Variants in SAFB2 observed in about 807,000 individuals in gnomAD.
SAFB2 encodes the protein scaffold attachment factor B2.
In SAFB2, 32 loss-of-function variants were observed where a neutral mutation model predicts 100.6. The observed-to-expected ratio is 0.32, with a 90% CI of 0.24 to 0.43. SAFB2 has a LOEUF of 0.43. Among genes scored for constraint, SAFB2 ranks in the 20% least tolerant of loss-of-function variants. The pLI, the probability that SAFB2 is intolerant of heterozygous loss-of-function variation, is 1.00. For missense variants in SAFB2, 1,185 were observed against 1,163.4 expected (o/e 1.02, Z -0.27); for synonymous variants, 500 against 439.4 (o/e 1.14, Z -1.72).
rs949624375 is a variant in SAFB2, at chr19:5,598,510, C to T, written c.1782+283G>A. On this transcript the variant is annotated intron_variant, in intron 13 of 20. Transcript: ENST00000252542. ...CCGGCTCGAAAAGCCTGGGTCTGGC[C>T]CATCCCACCCTATGGTGAGCTGCCG... 16 of 446,312 alleles carry T rather than the reference C, an allele frequency of 3.6e-5. No individual in the cohort carries two copies. In the Admixed American group the frequency reaches 5.2e-4, roughly 14 times the overall value. The allele number at this position is 446,312 out of a possible 1,614,324, so 27.6% of individuals were successfully genotyped here.
Position 5,590,263 on chromosome 19 carries a change from G to C in SAFB2, c.2525+15C>G. The stretch of plus-strand genomic sequence containing the variant: ...GGACAGATGCTCCCCACCCGGCTGG[G>C]GCTCACCCACTAACCTGGGGGGAGG... On this transcript the variant is annotated intron_variant, in intron 18 of 20. Coordinates refer to ENST00000252542, the MANE Select transcript of SAFB2 (RefSeq NM_014649.3). 6.4e-7 allele frequency: 1 copy of C among 1,572,726 alleles called. No homozygotes were observed. Among genetic ancestry groups the C allele is most frequent in the Non-Finnish European group, 8.6e-7 (1 of 1,159,516 alleles).
chr19:5,610,126 C>T (rs780055102), intron 8 of SAFB2, 31 bp from the exon 9 acceptor site: 4 of 1,569,616 alleles, frequency 2.5e-6, no homozygotes, highest in African/African-American at 2.7e-5. Flanking sequence ...TTAGGCATCA[C>T]CCCAAGGCCT....
intron 18 of SAFB2, among the ~76,000 whole-genome samples, chr19:5,588,373 T>C (rs1346191565): frequency 6.6e-6 from 1 of 152,164 alleles, no homozygotes; most frequent in Non-Finnish European, 1.5e-5. Context: ...AGCGCAGAAT[T>C]ACCATGACCC....
intron 6 of SAFB2, 77 bp downstream of exon 6, chr19:5,612,463 G>A: frequency 7.5e-7 from 1 of 1,327,826 alleles, no homozygotes; most frequent in Non-Finnish European, 1.1e-6. Context: ...TCATAACACA[G>A]CTTAAAATAT....
At chr19:5,622,410 G>C (rs2053182440) in intron 1 of SAFB2, 120 bp downstream of exon 1, 1 of 1,047,202 alleles carries the variant, frequency 9.5e-7, no homozygotes, top group Non-Finnish European at 1.3e-6. Context: ...ACCTCGAACC[G>C]GGGTCGGCCA....
At chr19:5,589,924 G>A (rs1451631325) in intron 18 of SAFB2, among the ~76,000 whole-genome samples, 1 of 152,168 alleles carries the variant, frequency 6.6e-6, no homozygotes, top group African/African-American at 2.4e-5. Flanking sequence ...GTGGAGGCAG[G>A]GGCGAGGCTG....
At position 5,616,480 on chromosome 19, in the gene SAFB2, T is replaced by G. The variant is rs1443463692; in HGVS notation, c.281A>C (p.Lys94Thr). The change falls in exon 3 of 21, where the codon AAG becomes ACG. Residue 94 changes from lysine (K) to threonine (T), a missense_variant. Lys to Thr is a moderately conservative substitution (Grantham distance 78, BLOSUM62 -1). Coordinates refer to ENST00000252542, the MANE Select transcript of SAFB2 (RefSeq NM_014649.3). ...KSAKRCVKGL[K>T]MEEEGTEDNG... ...ATCTTCTGTGCCTTCCTCCTCCATC[T>G]TCAGTCCTAATTACAGAATAATTGT... The G allele has an allele frequency of 6.2e-7, 1 of 1,613,516 alleles. No homozygotes were observed. Among genetic ancestry groups the G allele is most frequent in the Non-Finnish European group, 8.5e-7 (1 of 1,179,698 alleles).
intron 2 of SAFB2, among the ~76,000 whole-genome samples, chr19:5,618,607 G>A (rs954008913): frequency 6.6e-6 from 1 of 152,174 alleles, no homozygotes; most frequent in South Asian, 2.1e-4. Context: ...GTCCCACTTC[G>A]CATTATATCT....
At chr19:5,601,526 T>A (rs1030304802) in intron 11 of SAFB2, among the ~76,000 whole-genome samples, 9 of 151,980 alleles carry the variant, frequency 5.9e-5, no homozygotes, top group Admixed American at 5.9e-4. Context: ...CTGGCCAACA[T>A]TGTGAAACTC....
chr19:5,610,562 T>C lies in SAFB2; in HGVS notation c.1195+77A>G, dbSNP rs1240238516. Reference sequence around the variant, plus strand: ...ACAAAACAAATTACTGAATCCAAAGTGTGTATATCTCCAGGCCCCTCCTCC... The same window carrying C: ...ACAAAACAAATTACTGAATCCAAAGCGTGTATATCTCCAGGCCCCTCCTCC... On this transcript the variant is annotated intron_variant, in intron 8 of 20. Coordinates refer to ENST00000252542, the MANE Select transcript of SAFB2 (RefSeq NM_014649.3). 7.9e-6 allele frequency: 8 copies of C among 1,010,276 alleles called. No homozygotes were observed. In the Admixed American group the frequency reaches 1.2e-4, roughly 15 times the overall value. The allele number at this position is 1,010,276 out of a possible 1,614,324, so 62.6% of individuals were successfully genotyped here. A position where few individuals can be genotyped will look rare whatever the true frequency, so the allele number is the denominator to read the frequency against.
chr19:5,601,063 C>A (rs899698905), intron 11 of SAFB2, among the ~76,000 whole-genome samples: 1 of 152,206 alleles, frequency 6.6e-6, no homozygotes, highest in African/African-American at 2.4e-5. Context: ...GGGTTCCCGG[C>A]AGAGCTCCAG....
chr19:5,600,308 C>A, intron 11 of SAFB2, 48 bp from the exon 12 acceptor site: 1 of 1,600,682 alleles, frequency 6.2e-7, no homozygotes, highest in Admixed American at 1.7e-5. Flanking sequence ...GACTCTGTAA[C>A]AGGAACGGCT....
In SAFB2 at chr19:5,604,829, G is replaced by A; in HGVS notation, c.1404C>T (p.Leu468=). The A allele has an allele frequency of 6.2e-7, 1 of 1,614,130 alleles. No individual in the cohort carries two copies. Among genetic ancestry groups the A allele is most frequent in the South Asian group, 1.1e-5 (1 of 91,076 alleles). ...SDEATKCISH[L]HRTELHGRMI... ...TTCGTCCATGCAGCTCAGTTCTGTG[G>A]AGATGGCTGATGCACTTGGTCGCCT... is the stretch of plus-strand genomic sequence containing the variant. Residue 468 remains leucine, a synonymous_variant, in exon 10 of 21, where the codon CTC becomes CTT. Coordinates refer to ENST00000252542, the MANE Select transcript of SAFB2 (RefSeq NM_014649.3).
rs1469963843 is a variant in SAFB2 at position 5,610,571 on chromosome 19, C to T, written c.1195+68G>A. 7 of 1,149,172 alleles carry T rather than the reference C, an allele frequency of 6.1e-6. No homozygotes were observed. In the East Asian group the frequency reaches 1.4e-4, roughly 23 times the overall value. The allele number at this position is 1,149,172 out of a possible 1,614,324, so 71.2% of individuals were successfully genotyped here. Reference sequence around the variant, plus strand: ...ATTACTGAATCCAAAGTGTGTATATCTCCAGGCCCCTCCTCCCAAAATAAG... The same window carrying T: ...ATTACTGAATCCAAAGTGTGTATATTTCCAGGCCCCTCCTCCCAAAATAAG... On this transcript the variant is annotated intron_variant, in intron 8 of 20. Coordinates refer to ENST00000252542, the MANE Select transcript of SAFB2 (RefSeq NM_014649.3).
rs145240132 is a variant in SAFB2 at position 5,616,249 on chromosome 19, G to C, written c.426C>G (p.Ser142Arg). 55 of 1,614,020 alleles carry C rather than the reference G, an allele frequency of 3.4e-5. No individual in the cohort carries two copies. In the African/African-American group the frequency reaches 6.0e-4, roughly 18 times the overall value. Reference protein sequence around the residue: ...SVLDETEVANSSAPDFGEDGT... With the variant: ...SVLDETEVANRSAPDFGEDGT... ...CATCCTCCCCAAAATCTGGAGCACT[G>C]CTATTCGCCACTTCAGTTTCGTCTA... The change falls in exon 4 of 21, where the codon AGC becomes AGG. Residue 142 changes from serine (S) to arginine (R), a missense_variant. Ser to Arg is a moderately radical substitution (Grantham distance 110, BLOSUM62 -1). Around this residue, in one of 3 missense-constraint regions of SAFB2, gnomAD observed 351 missense variants for 341.2 expected, o/e 1.03. Transcript: ENST00000252542.
chr19:5,588,365 C>T (rs1213802858), intron 18 of SAFB2, among the ~76,000 whole-genome samples: 1 of 152,160 alleles, frequency 6.6e-6, no homozygotes, highest in South Asian at 2.1e-4. Context: ...AAAAGTTAAG[C>T]GCAGAATTAC....
intron 9 of SAFB2, among the ~76,000 whole-genome samples, chr19:5,605,137 C>T (rs527722284): frequency 6.4e-4 from 97 of 151,546 alleles, no homozygotes; most frequent in African/African-American, 2.3e-3. Context: ...GACAGTTTCG[C>T]TCTGTCACCC....
chr19:5,599,458 T>C (rs1288058879), intron 12 of SAFB2, among the ~76,000 whole-genome samples: 2 of 152,176 alleles, frequency 1.3e-5, no homozygotes, highest in Non-Finnish European at 2.9e-5. Context: ...AAAAACACGT[T>C]CCTCGTGAGA....
chr19:5,605,630 T>C (rs576594735), intron 9 of SAFB2, among the ~76,000 whole-genome samples: 14 of 152,272 alleles, frequency 9.2e-5, no homozygotes, highest in Admixed American at 1.3e-4. Flanking sequence ...GACACAGACA[T>C]GGACTGTCAG....
Sources: gnomAD v4.1 joint callset for allele counts (sites outside exome capture counted in the v4.1 genomes callset) on GRCh38, gnomAD v4.1.1 for gene constraint, gnomAD v4.1.1 regional missense constraint, MANE v1.5 for transcripts, NCBI Gene and HGNC (gene_info 2026-07-23, HGNC 2026-07-21) for gene names.